DOCK1: variants seen among roughly 807,000 people sequenced by gnomAD.
DOCK1 encodes dedicator of cytokinesis 1, also known as dedicator of cytokinesis protein 1.
A neutral mutation model predicts 262.7 loss-of-function variants in DOCK1; 138 were observed. The observed-to-expected ratio is 0.53, with a 90% confidence interval of 0.46 to 0.61. The LOEUF is 0.61. Ranked by LOEUF, DOCK1 falls within the 20% of genes least tolerant of loss-of-function variation. The probability of loss-of-function intolerance (pLI) is 0.00; values close to 1 mark genes in which losing one functional copy is unlikely to be tolerated. For missense variants in DOCK1, 1,908 were observed against 2,370.7 expected, an observed-to-expected ratio of 0.80 and a Z score of 4.05; for synonymous variants, 866 against 867.4, an observed-to-expected ratio of 1.00 and a Z score of 0.03.
chr10:127,289,698 A>G (rs1213734315), intron 29 of DOCK1, among the ~76,000 whole-genome samples: 1 of 152,114 alleles, frequency 6.6e-6, no homozygotes, highest in Non-Finnish European at 1.5e-5. Context: ...ATAGATCTCA[A>G]TGTATGTTTT....
In DOCK1 at chr10:126,970,721, C is replaced by T. The variant is rs751926799; in HGVS notation, c.66C>T (p.Ala22=). 6.2e-7 allele frequency: 1 copy of T among 1,612,936 alleles called. No individual in the cohort carries two copies. The highest frequency in any genetic ancestry group is 8.5e-7 in the Non-Finnish European group (1 of 1,179,080). Residue 22 remains alanine, a synonymous_variant, in exon 2 of 52, where the codon GCC becomes GCT. Transcript: ENST00000623213. ...TCACAGCTTTTTATAACTATGATGCCAGAGGAGCGGATGAACTTTCTTTAC... is the reference window on the plus strand; with the variant it reads ...TCACAGCTTTTTATAACTATGATGCTAGAGGAGCGGATGAACTTTCTTTAC... The part of the protein sequence containing the change: ...KYGVAFYNYD[A]RGADELSLQI...
chr10:127,276,192 G>T (rs1304326957), intron 29 of DOCK1, among the ~76,000 whole-genome samples: 1 of 152,194 alleles, frequency 6.6e-6, no homozygotes, highest in Non-Finnish European at 1.5e-5. Context: ...CTTGCGTCAT[G>T]GCTGGGTGGC....
Position 127,089,320 on chromosome 10 carries a change from C to G in DOCK1, c.2446-16911C>G, listed in dbSNP as rs552473258. 2.6e-5 allele frequency among the ~76,000 whole-genome samples: 4 copies of G among 152,248 alleles called. No individual in the cohort carries two copies. In the South Asian group the frequency reaches 8.3e-4, roughly 32 times the overall value. ...CTCTGTGTGTTTCTTGATGCTCTTTCCCATGGCCACTCCCTGGAGGCCCCC... is the reference window on the plus strand; with the variant it reads ...CTCTGTGTGTTTCTTGATGCTCTTTGCCATGGCCACTCCCTGGAGGCCCCC... On this transcript the variant is annotated intron_variant, in intron 23 of 51. Coordinates refer to ENST00000623213, the MANE Select transcript of DOCK1 (RefSeq NM_001290223.2).
chr10:127,439,230 C>A lies in DOCK1; in HGVS notation c.5259+5C>A. The A allele has an allele frequency of 6.2e-7, 1 of 1,605,752 alleles. No homozygotes were observed. Reference sequence around the variant, plus strand: ...GCTGTGATCCTTTCGGAAACGGTAACCCGACAGGGTATCTTTCCTCGCTCT... The same window carrying A: ...GCTGTGATCCTTTCGGAAACGGTAAACCGACAGGGTATCTTTCCTCGCTCT... On this transcript the variant is annotated splice_donor_5th_base_variant and intron_variant, in intron 49 of 51. Transcript: ENST00000623213.
chr10:127,340,469 A>G (rs1462887708), intron 30 of DOCK1, among the ~76,000 whole-genome samples: 1 of 152,170 alleles, frequency 6.6e-6, no homozygotes, highest in Non-Finnish European at 1.5e-5. Flanking sequence ...CACGATATGA[A>G]TGTACCAACA....
intron 1 of DOCK1, among the ~76,000 whole-genome samples, chr10:126,947,312 G>A (rs900898505): frequency 1.7e-3 from 229 of 136,008 alleles, no homozygotes; most frequent in African/African-American, 5.5e-3. Context: ...ACTGTTGGTG[G>A]TGATGGTGGT....
At chr10:127,349,142 C>G (rs1450669324) in intron 31 of DOCK1, among the ~76,000 whole-genome samples, 1 of 151,956 alleles carries the variant, frequency 6.6e-6, no homozygotes, top group African/African-American at 2.4e-5. Context: ...AATGCCTCAC[C>G]CCAGCCATGA....
chr10:127,094,307 A>G (rs9299864), intron 23 of DOCK1, among the ~76,000 whole-genome samples: 79,623 of 152,134 alleles, frequency 0.52, 21,576 homozygotes, highest in African/African-American at 0.69. Flanking sequence ...GATATTACAC[A>G]GGTTAGGTCT....
intron 23 of DOCK1, among the ~76,000 whole-genome samples, chr10:127,077,786 T>G (rs1000198941): frequency 9.9e-5 from 15 of 152,042 alleles, no homozygotes; most frequent in Non-Finnish European, 1.9e-4. Context: ...GACAAGGACC[T>G]AAAGAAAGTG....
chr10:127,232,480 C>T (rs111350586), intron 27 of DOCK1, among the ~76,000 whole-genome samples: 2 of 152,168 alleles, frequency 1.3e-5, no homozygotes, highest in Non-Finnish European at 2.9e-5. Flanking sequence ...TATAGGTCTG[C>T]GCCTTGGTCC....
intron 31 of DOCK1, among the ~76,000 whole-genome samples, chr10:127,348,096 C>G (rs1360091054): frequency 6.6e-6 from 1 of 151,668 alleles, no homozygotes; most frequent in Non-Finnish European, 1.5e-5. Flanking sequence ...CCATACCACG[C>G]AGAGAACTGA....
intron 33 of DOCK1, among the ~76,000 whole-genome samples, chr10:127,367,220 C>T (rs766779057): frequency 6.6e-6 from 1 of 152,208 alleles, no homozygotes; most frequent in South Asian, 2.1e-4. Flanking sequence ...GCTCTTCAGC[C>T]GCAGTGGCGG....
chr10:126,945,836 G>T (rs991514484), intron 1 of DOCK1, among the ~76,000 whole-genome samples: 2 of 152,246 alleles, frequency 1.3e-5, no homozygotes, highest in Non-Finnish European at 2.9e-5. Context: ...AGGCAGTTCA[G>T]TGTCGGAGTG....
In DOCK1 at chr10:127,012,704, C is replaced by T. The variant is rs1475975047; in HGVS notation, c.1201+330C>T. 6.6e-6 allele frequency among the ~76,000 whole-genome samples: 1 copy of T among 152,210 alleles called. No homozygotes were observed. Among genetic ancestry groups the T allele is most frequent in the Non-Finnish European group, 1.5e-5 (1 of 68,034 alleles). ...CTTTGCCTGTTCTGGGTCTTCCCTG[C>T]TGGTCTCCCTAAGAAGGTGATTTCA... On this transcript the variant is annotated intron_variant, in intron 12 of 51. Transcript: ENST00000623213. This position sits in a 1 kb window ranked among gnomAD's most constrained non-coding sequence, Gnocchi z 4.0.
intron 31 of DOCK1, among the ~76,000 whole-genome samples, chr10:127,351,471 T>C (rs759883430): frequency 8.5e-5 from 13 of 152,148 alleles, no homozygotes; most frequent in Admixed American, 2.0e-4. Flanking sequence ...TGTGGAGGCA[T>C]GGAAAGTCCC....
chr10:127,448,129 C>T (rs2070711136), intron 51 of DOCK1, among the ~76,000 whole-genome samples: 1 of 152,134 alleles, frequency 6.6e-6, no homozygotes, highest in African/African-American at 2.4e-5. Context: ...CACTGTGCCC[C>T]CACCCCTGGG....
At position 126,977,936 on chromosome 10, in the gene DOCK1, GTGTT is replaced by G; in HGVS notation, c.131-6_131-3del. ...TCTTTGTACTAACTGTTTCAACTTT[GTGTT>G]TGTTTAGGGTGGTACCGAGGTTACA... is the stretch of plus-strand genomic sequence containing the variant. On this transcript the variant is annotated splice_polypyrimidine_tract_variant and splice_region_variant and intron_variant, in intron 2 of 51. Coordinates refer to ENST00000623213, the MANE Select transcript of DOCK1 (RefSeq NM_001290223.2). The G allele has an allele frequency of 1.2e-6, 2 of 1,613,862 alleles. No individual in the cohort carries two copies. Among genetic ancestry groups the G allele is most frequent in the Middle Eastern group, 3.3e-4 (2 of 6,060 alleles).
intron 1 of DOCK1, among the ~76,000 whole-genome samples, chr10:126,945,513 C>T (rs2035332537): frequency 6.6e-6 from 1 of 151,798 alleles, no homozygotes. Flanking sequence ...GAAGTCAGAG[C>T]CCTTTTGTAA....
chr10:126,969,178 G>A (rs9733754), intron 1 of DOCK1, among the ~76,000 whole-genome samples: 79,366 of 152,050 alleles, frequency 0.52, 21,261 homozygotes, highest in South Asian at 0.62. Flanking sequence ...AAACACACAC[G>A]CAATTCTACG....
Sources: allele counts gnomAD v4.1 joint callset (sites outside exome capture counted in the v4.1 genomes callset), GRCh38; gene constraint gnomAD v4.1.1; non-coding constraint Gnocchi (gnomAD v3.1); transcripts MANE v1.5; gene names NCBI Gene and HGNC (gene_info 2026-07-23, HGNC 2026-07-21).